The following KCNK13 variants were observed in gnomAD, a reference collection of about 807,000 sequenced individuals.
KCNK13 encodes potassium channel subfamily K member 13.
A neutral mutation model predicts 23.4 loss-of-function variants in KCNK13; 12 were observed. That is an observed-to-expected ratio of 0.51 (90% CI 0.33 to 0.83). The LOEUF (loss-of-function observed/expected upper bound fraction) is 0.83. Among genes scored for constraint, KCNK13 ranks in the 40% least tolerant of loss-of-function variants. The pLI, the probability that KCNK13 is intolerant of heterozygous loss-of-function variation, is 0.02. For synonymous variants in KCNK13, 231 were observed against 229.5 expected, an observed-to-expected ratio of 1.01 and a Z score of -0.06; for missense variants, 463 against 556.3, an observed-to-expected ratio of 0.83 and a Z score of 1.69.
At chr14:90,171,946 G>A (rs982581022) in intron 1 of KCNK13, among the ~76,000 whole-genome samples, 5 of 152,144 alleles carry the variant, frequency 3.3e-5, no homozygotes, top group African/African-American at 1.2e-4. Context: ...ACAAAACTAA[G>A]TTCTGTCTAC....
At chr14:90,168,828 G>C (rs1270336686) in intron 1 of KCNK13, among the ~76,000 whole-genome samples, 2 of 152,150 alleles carry the variant, frequency 1.3e-5, no homozygotes, top group Non-Finnish European at 1.5e-5. Flanking sequence ...TAATCCCCAC[G>C]TGTTAAGGGT....
chr14:90,071,502 C>T (rs1450599196), intron 1 of KCNK13, among the ~76,000 whole-genome samples: 1 of 152,212 alleles, frequency 6.6e-6, no homozygotes, highest in African/African-American at 2.4e-5. Flanking sequence ...CTCCCCACAT[C>T]TCTCTGTGCT....
At chr14:90,089,242 A>C (rs1889315769) in intron 1 of KCNK13, among the ~76,000 whole-genome samples, 1 of 152,216 alleles carries the variant, frequency 6.6e-6, no homozygotes, top group Non-Finnish European at 1.5e-5. Context: ...GCTGATAGTG[A>C]TATGAACGAT....
chr14:90,148,709 A>G (rs535750268), intron 1 of KCNK13, among the ~76,000 whole-genome samples: 1 of 152,320 alleles, frequency 6.6e-6, no homozygotes, highest in South Asian at 2.1e-4. Flanking sequence ...GGACCCTGCT[A>G]AGGAACGCAT....
chr14:90,064,306 C>T (rs192146690), intron 1 of KCNK13, among the ~76,000 whole-genome samples: 4 of 149,066 alleles, frequency 2.7e-5, no homozygotes, highest in Admixed American at 2.7e-4. Flanking sequence ...CTGAATCTTT[C>T]CCACCACCAT....
At chr14:90,092,569 G>A (rs1415515017) in intron 1 of KCNK13, among the ~76,000 whole-genome samples, 3 of 152,148 alleles carry the variant, frequency 2.0e-5, no homozygotes, top group East Asian at 3.9e-4. Context: ...TAAGAGGATG[G>A]ATGGGATCAA....
At chr14:90,084,329 T>C (rs1285072391) in intron 1 of KCNK13, among the ~76,000 whole-genome samples, 1 of 152,242 alleles carries the variant, frequency 6.6e-6, no homozygotes, top group Non-Finnish European at 1.5e-5. Context: ...AACAATGTTT[T>C]ATAGTTTTTT....
chr14:90,071,581 C>T (rs1889074639), intron 1 of KCNK13, among the ~76,000 whole-genome samples: 1 of 152,164 alleles, frequency 6.6e-6, no homozygotes, highest in South Asian at 2.1e-4. Context: ...TTCCTGGATT[C>T]CCCACAGTAA....
At chr14:90,151,928 C>T (rs912399539) in intron 1 of KCNK13, among the ~76,000 whole-genome samples, 2 of 152,178 alleles carry the variant, frequency 1.3e-5, no homozygotes, top group African/African-American at 2.4e-5. Flanking sequence ...GATCAATTGA[C>T]TGTAAATGTG....
intron 1 of KCNK13, among the ~76,000 whole-genome samples, chr14:90,138,492 C>T (rs1363271298): frequency 6.6e-6 from 1 of 152,224 alleles, no homozygotes; most frequent in African/African-American, 2.4e-5. Context: ...ACAGTTAGGA[C>T]TCAGTAAGTA....
chr14:90,151,408 G>C (rs1011574290), intron 1 of KCNK13, among the ~76,000 whole-genome samples: 31 of 152,062 alleles, frequency 2.0e-4, no homozygotes, highest in African/African-American at 7.2e-4. Flanking sequence ...ATTTTTTCAT[G>C]TAACTCTTGG....
chr14:90,107,704 C>T (rs1889563187), intron 1 of KCNK13: 2 of 761,410 alleles, frequency 2.6e-6, no homozygotes, highest in Non-Finnish European at 4.9e-6. Flanking sequence ...ACTACAAAAT[C>T]CAGCCTGGGA....
chr14:90,125,355 C>G (rs1889784208), intron 1 of KCNK13, among the ~76,000 whole-genome samples: 1 of 151,848 alleles, frequency 6.6e-6, no homozygotes, highest in African/African-American at 2.4e-5. Flanking sequence ...TCCCAAGTAG[C>G]TGGGACTACA....
chr14:90,136,256 G>C (rs888048650), intron 1 of KCNK13, among the ~76,000 whole-genome samples: 1 of 152,170 alleles, frequency 6.6e-6, no homozygotes, highest in African/African-American at 2.4e-5. Context: ...AATGGATGGA[G>C]TAGATGGTCC....
chr14:90,105,671 G>A (rs1260012814), intron 1 of KCNK13, among the ~76,000 whole-genome samples: 1 of 151,160 alleles, frequency 6.6e-6, no homozygotes, highest in African/African-American at 2.4e-5. Flanking sequence ...TTTCCTTTTG[G>A]CCATTTTTCT....
intron 1 of KCNK13, among the ~76,000 whole-genome samples, chr14:90,091,581 G>A (rs1437549777): frequency 1.3e-5 from 2 of 152,120 alleles, no homozygotes; most frequent in African/African-American, 4.8e-5. Flanking sequence ...GCCTGTTTCT[G>A]GGGGAAAGGC....
chr14:90,155,541 C>T (rs562241003), intron 1 of KCNK13, among the ~76,000 whole-genome samples: 2 of 152,144 alleles, frequency 1.3e-5, no homozygotes, highest in African/African-American at 4.8e-5. Context: ...TCAGGAGACT[C>T]CTACAAGAAT....
chr14:90,063,570 T>A (rs569622494), intron 1 of KCNK13, among the ~76,000 whole-genome samples: 27 of 152,100 alleles, frequency 1.8e-4, no homozygotes, highest in African/African-American at 6.5e-4. Context: ...GGAGAGGAAG[T>A]GGCCTCCAAG....
At chr14:90,105,678 T>C (rs188334003) in intron 1 of KCNK13, among the ~76,000 whole-genome samples, 148 of 152,270 alleles carry the variant, frequency 9.7e-4, no homozygotes, top group African/African-American at 3.2e-3. Flanking sequence ...TTGGCCATTT[T>C]TCTTGAAGGC....
Sources: allele counts gnomAD v4.1 joint callset (sites outside exome capture counted in the v4.1 genomes callset), GRCh38; gene constraint gnomAD v4.1.1; transcripts MANE v1.5; gene names NCBI Gene and HGNC (gene_info 2026-07-23, HGNC 2026-07-21).